Variants in PRKRIP1 observed in about 807,000 individuals in gnomAD.
PRKRIP1 encodes PRKR-interacting protein 1.
Under a neutral mutation model 29.3 loss-of-function variants are expected in PRKRIP1, and 29 were observed. The ratio of observed to expected loss-of-function variants is 0.99; its 90% CI spans 0.74 to 1.35. The LOEUF is 1.35. Ranked by LOEUF, PRKRIP1 falls within the 40% of genes most tolerant of loss-of-function variation. The probability of loss-of-function intolerance (pLI) is 0.00; values close to 1 mark genes in which losing one functional copy is unlikely to be tolerated. For synonymous variants in PRKRIP1, 90 were observed against 85.1 expected (o/e 1.06, Z -0.32); for missense variants, 247 against 236.8 (o/e 1.04, Z -0.28).
At chr7:102,417,754 C>T (rs1202702720) in intron 5 of PRKRIP1, among the ~76,000 whole-genome samples, 1 of 151,174 alleles carries the variant, frequency 6.6e-6, no homozygotes, top group Admixed American at 6.6e-5. Flanking sequence ...AGTAGCTGGG[C>T]CCACAGGCAT....
At chr7:102,417,104 C>T (rs1406107701) in intron 5 of PRKRIP1, among the ~76,000 whole-genome samples, 1 of 152,106 alleles carries the variant, frequency 6.6e-6, no homozygotes, top group Admixed American at 6.6e-5. Flanking sequence ...ATCCACCCGC[C>T]TCAGCCTCCC....
At chr7:102,416,647 T>C (rs941764992) in intron 5 of PRKRIP1, among the ~76,000 whole-genome samples, 1 of 151,210 alleles carries the variant, frequency 6.6e-6, no homozygotes, top group African/African-American at 2.4e-5. Context: ...CATCAGGGCA[T>C]TGTACTGCCA....
intron 5 of PRKRIP1, among the ~76,000 whole-genome samples, chr7:102,413,402 T>G (rs1554572722): frequency 6.6e-6 from 1 of 152,180 alleles, no homozygotes; most frequent in Non-Finnish European, 1.5e-5. Context: ...CTTTGTGTCT[T>G]TGGAAAAAGA....
Position 102,425,508 on chromosome 7 carries a change from C to A in PRKRIP1, c.*397C>A. On this transcript the variant is annotated 3_prime_UTR_variant, in exon 6 of 6. Coordinates refer to ENST00000397912, the MANE Select transcript of PRKRIP1 (RefSeq NM_024653.4). ...AACACTCTGGAGAAGGCTGAGATGCCACCATTCCCACGGGGACTGAAGACA... is the reference window on the plus strand; with the variant it reads ...AACACTCTGGAGAAGGCTGAGATGCAACCATTCCCACGGGGACTGAAGACA... 3.3e-6 allele frequency: 1 copy of A among 298,760 alleles called. No individual in the cohort carries two copies. The highest frequency in any genetic ancestry group is 6.5e-6 in the Non-Finnish European group (1 of 155,034). The allele number at this position is 298,760 out of a possible 1,614,324, so 18.5% of individuals were successfully genotyped here.
At chr7:102,401,764 G>A (rs906793828) in intron 3 of PRKRIP1, among the ~76,000 whole-genome samples, 4 of 152,134 alleles carry the variant, frequency 2.6e-5, no homozygotes, top group Admixed American at 2.0e-4. Context: ...TTAACCAGGC[G>A]CAGTGGTGCA....
intron 3 of PRKRIP1, 135 bp from the exon 4 acceptor site, chr7:102,404,463 G>T: frequency 1.5e-6 from 1 of 688,056 alleles, no homozygotes; most frequent in Non-Finnish European, 2.6e-6. Context: ...AAGTTAAAAT[G>T]GCCCTGGGGA....
intron 5 of PRKRIP1, among the ~76,000 whole-genome samples, chr7:102,419,967 GC>G (rs1796652964): frequency 6.6e-6 from 1 of 151,156 alleles, no homozygotes; most frequent in Non-Finnish European, 1.5e-5. Context: ...TGCAACCTCC[GC>G]CCCCTGGGTT....
At chr7:102,422,231 GT>G (rs1796714718) in intron 5 of PRKRIP1, among the ~76,000 whole-genome samples, 1 of 149,822 alleles carries the variant, frequency 6.7e-6, no homozygotes. Flanking sequence ...CTGGAGTACA[GT>G]GCTGTGATCT....
chr7:102,397,810 C>T (rs1363736485), intron 2 of PRKRIP1, 112 bp downstream of exon 2: 2 of 895,822 alleles, frequency 2.2e-6, no homozygotes, highest in Non-Finnish European at 3.4e-6. Flanking sequence ...CTTTGGGAGG[C>T]CGAGGCGGGC....
intron 4 of PRKRIP1, chr7:102,405,963 CA>C: frequency 3.4e-6 from 1 of 294,820 alleles, no homozygotes; most frequent in Non-Finnish European, 6.8e-6. Flanking sequence ...GCTTTCCCTG[CA>C]AAAAGTTGTC....
At chr7:102,404,398 C>T (rs781919597) in intron 3 of PRKRIP1, 200 bp from the exon 4 acceptor site, 21 of 549,696 alleles carry the variant, frequency 3.8e-5, no homozygotes, top group Admixed American at 6.1e-5. Flanking sequence ...AGAGTTACTT[C>T]GCCATCGGAG....
rs1468570213 is a variant in PRKRIP1, at chr7:102,407,228, AAAG to A, written c.393-201_393-199del. ...AGAGAATCCGTCTCAAAAAAAAAAA[AAAG>A]AAGATATTCCAGTATCAAACAGCAA... On this transcript the variant is annotated intron_variant, in intron 4 of 5. Transcript: ENST00000397912. 5.9e-5 allele frequency among the ~76,000 whole-genome samples: 9 copies of A among 152,236 alleles called. No homozygotes were observed. In the East Asian group the frequency reaches 1.3e-3, roughly 23 times the overall value.
chr7:102,398,027 A>G (rs1158399703), intron 2 of PRKRIP1, among the ~76,000 whole-genome samples: 4 of 152,114 alleles, frequency 2.6e-5, no homozygotes, highest in Admixed American at 2.0e-4. Context: ...ATCCTGGGCA[A>G]CAGAGCGACA....
intron 5 of PRKRIP1, among the ~76,000 whole-genome samples, chr7:102,410,250 T>C (rs1312024725): frequency 2.6e-5 from 4 of 152,206 alleles, no homozygotes; most frequent in Non-Finnish European, 5.9e-5. Flanking sequence ...GGTGGCCCTC[T>C]AGAGTCCCAG....
At chr7:102,406,955 C>T (rs1291596627) in intron 4 of PRKRIP1, among the ~76,000 whole-genome samples, 2 of 151,804 alleles carry the variant, frequency 1.3e-5, no homozygotes, top group East Asian at 3.9e-4. Flanking sequence ...GTGGCTCACA[C>T]CCGTAATCCC....
In PRKRIP1 at chr7:102,397,692, G is replaced by A. The variant is rs1554570594; in HGVS notation, c.199G>A (p.Val67Ile). ...PRPPPEFVRD[V>I]MGSSAGAGSG... The stretch of plus-strand genomic sequence containing the variant: ...ACCTCCCCCAGAATTTGTCCGAGAT[G>A]TCATGGGTAATGGCTGTGTGTGTGT... Residue 67 changes from valine to isoleucine, a missense_variant, in exon 2 of 6, where the codon GTC becomes ATC. By Grantham distance (29) the Val-to-Ile change is conservative. Transcript: ENST00000397912. The A allele has an allele frequency of 1.2e-6, 2 of 1,606,740 alleles. No individual in the cohort carries two copies. The highest frequency in any genetic ancestry group is 1.1e-5 in the South Asian group (1 of 90,648).
At chr7:102,398,346 A>G (rs1203147656) in intron 2 of PRKRIP1, among the ~76,000 whole-genome samples, 1 of 151,848 alleles carries the variant, frequency 6.6e-6, no homozygotes, top group Admixed American at 6.6e-5. Flanking sequence ...GTGCAGTGAC[A>G]CCATCTCGGC....
At chr7:102,407,325 A>G in intron 4 of PRKRIP1, 109 bp from the exon 5 acceptor site, 1 of 646,102 alleles carries the variant, frequency 1.5e-6, no homozygotes, top group Non-Finnish European at 2.7e-6. Context: ...TGTTATTGTA[A>G]TGTTTGTGTT....
At position 102,425,472 on chromosome 7, in the gene PRKRIP1, C is replaced by T. The variant is rs112588800; in HGVS notation, c.*361C>T. 17 of 313,712 alleles carry T rather than the reference C, an allele frequency of 5.4e-5. No individual in the cohort carries two copies. Among genetic ancestry groups the T allele is most frequent in the Non-Finnish European group, 8.5e-5 (14 of 164,434 alleles). The allele number at this position is 313,712 out of a possible 1,614,324, so 19.4% of individuals were successfully genotyped here. A position where few individuals can be genotyped will look rare whatever the true frequency, so the allele number is the denominator to read the frequency against. ...TTGCGTTTTGTTGGGACATGTGGAC[C>T]GTGAGTCGCAAACACTCTGGAGAAG... On this transcript the variant is annotated 3_prime_UTR_variant, in exon 6 of 6. Coordinates refer to ENST00000397912, the MANE Select transcript of PRKRIP1 (RefSeq NM_024653.4).
Sources: allele counts gnomAD v4.1 joint callset (sites outside exome capture counted in the v4.1 genomes callset), GRCh38; gene constraint gnomAD v4.1.1; transcripts MANE v1.5; gene names NCBI Gene and HGNC (gene_info 2026-07-23, HGNC 2026-07-21).